The following TMEM45B variants were observed in gnomAD, a reference collection of about 807,000 sequenced individuals.
TMEM45B encodes the protein transmembrane protein 45B.
In TMEM45B, 29 loss-of-function variants were observed where a neutral mutation model predicts 27.3. The ratio of observed to expected loss-of-function variants is 1.06; its 90% CI spans 0.79 to 1.45. The LOEUF is 1.45. Ranked by LOEUF, TMEM45B falls within the 40% of genes most tolerant of loss-of-function variation. TMEM45B has a pLI of 0.00. For synonymous variants in TMEM45B, 143 were observed against 134.7 expected (o/e 1.06, Z -0.43); for missense variants, 348 against 343.9 (o/e 1.01, Z -0.09).
In TMEM45B at chr11:129,844,080, G is replaced by A. The variant is rs538735700; in HGVS notation, c.-8-8395G>A. 1.8e-4 allele frequency among the ~76,000 whole-genome samples: 27 copies of A among 152,144 alleles called. 1 individual carries two copies. In the South Asian group the frequency reaches 5.2e-3, roughly 29 times the overall value. On this transcript the variant is annotated intron_variant, in intron 1 of 5. Transcript: ENST00000281441. ...TGATTGATGAATGGACAAAAAAAATGTGGTGTATATATATATAGAATGGGA... is the reference window on the plus strand; with the variant it reads ...TGATTGATGAATGGACAAAAAAAATATGGTGTATATATATATAGAATGGGA...
intron 3 of TMEM45B, among the ~76,000 whole-genome samples, chr11:129,855,168 C>A (rs552626868): frequency 1.3e-3 from 197 of 152,288 alleles, no homozygotes; most frequent in African/African-American, 4.4e-3. Flanking sequence ...CGGGTACACA[C>A]AATGCCCCAG....
At chr11:129,834,466 A>G (rs1054746777) in intron 1 of TMEM45B, among the ~76,000 whole-genome samples, 2 of 145,800 alleles carry the variant, frequency 1.4e-5, no homozygotes, top group African/African-American at 5.0e-5. Context: ...AAATGTGGAC[A>G]TTGAAGGTGA....
Position 129,854,760 on chromosome 11 carries a change from G to A in TMEM45B, c.329G>A (p.Ser110Asn), listed in dbSNP as rs1313771046. The A allele has an allele frequency of 1.9e-6, 3 of 1,614,090 alleles. No homozygotes were observed. The highest frequency in any genetic ancestry group is 1.6e-4 in the Middle Eastern group (1 of 6,084). ...GTTGACATGCTCACCTATCTGGTCA[G>A]CCACGTTCCCTTGGGGGTGGACAGA... ...GIVDMLTYLV[S>N]HVPLGVDRLV... The change falls in exon 3 of 6, where the codon AGC becomes AAC. Residue 110 changes from serine (S) to asparagine (N), a missense_variant. By Grantham distance (46) the Ser-to-Asn change is conservative. Transcript: ENST00000281441.
intron 1 of TMEM45B, among the ~76,000 whole-genome samples, chr11:129,823,066 C>T (rs1002754572): frequency 2.0e-5 from 3 of 152,044 alleles, no homozygotes; most frequent in African/African-American, 7.2e-5. Context: ...GTCTCGAACC[C>T]CTGACCTTGT....
intron 1 of TMEM45B, among the ~76,000 whole-genome samples, chr11:129,823,340 G>C (rs1461654267): frequency 6.6e-6 from 1 of 152,034 alleles, no homozygotes; most frequent in Non-Finnish European, 1.5e-5. Flanking sequence ...GATAGGAATC[G>C]TTCCTGCTTT....
At chr11:129,822,114 T>C (rs1171101530) in intron 1 of TMEM45B, among the ~76,000 whole-genome samples, 1 of 152,208 alleles carries the variant, frequency 6.6e-6, no homozygotes, top group Non-Finnish European at 1.5e-5. Context: ...CTTCCAACAA[T>C]GCTATTAAAT....
chr11:129,854,784 G>A lies in TMEM45B; in HGVS notation c.353G>A (p.Arg118Lys), dbSNP rs1169979308. 4 of 1,614,106 alleles carry A rather than the reference G, an allele frequency of 2.5e-6. No homozygotes were observed. Among genetic ancestry groups the A allele is most frequent in the Middle Eastern group, 1.6e-4 (1 of 6,062 alleles). Reference protein sequence around the residue: ...LVSHVPLGVDRLVMAVAVFME... With the variant: ...LVSHVPLGVDKLVMAVAVFME... ...AGCCACGTTCCCTTGGGGGTGGACA[G>A]ACTGGTTATGGCTGTGGCAGTATTC... Residue 118 changes from arginine to lysine, a missense_variant, in exon 3 of 6, where the codon AGA (arginine) becomes AAA (lysine). Transcript: ENST00000281441.
chr11:129,824,431 G>A (rs517396), intron 1 of TMEM45B, among the ~76,000 whole-genome samples: 51,696 of 152,002 alleles, frequency 0.34, 9,476 homozygotes, highest in East Asian at 0.48. Context: ...GATTATGTTC[G>A]TCTTGTGATT....
intron 1 of TMEM45B, among the ~76,000 whole-genome samples, chr11:129,838,919 C>G (rs1053951940): frequency 6.6e-6 from 1 of 152,122 alleles, no homozygotes; most frequent in Admixed American, 6.5e-5. Context: ...TTTTTTAAAG[C>G]ACCATATCAA....
intron 2 of TMEM45B, 139 bp from the exon 3 acceptor site, chr11:129,854,471 G>A: frequency 1.4e-6 from 1 of 737,394 alleles, no homozygotes; most frequent in Non-Finnish European, 2.3e-6. Flanking sequence ...ACCTGAGGCA[G>A]CAAAGTAGCT....
chr11:129,853,223 C>T (rs572720423), intron 2 of TMEM45B, among the ~76,000 whole-genome samples: 103 of 152,318 alleles, frequency 6.8e-4, no homozygotes, highest in African/African-American at 2.4e-3. Context: ...AAGATCCACC[C>T]ACTCCCACTG....
intron 1 of TMEM45B, among the ~76,000 whole-genome samples, chr11:129,827,400 C>T (rs749335386): frequency 1.3e-5 from 2 of 152,176 alleles, no homozygotes; most frequent in Non-Finnish European, 2.9e-5. Flanking sequence ...GCACTTTTTC[C>T]AAGAACTGAC....
chr11:129,832,747 A>G (rs1947565755), intron 1 of TMEM45B, among the ~76,000 whole-genome samples: 1 of 152,178 alleles, frequency 6.6e-6, no homozygotes, highest in African/African-American at 2.4e-5. Flanking sequence ...TGTCATTAGG[A>G]GTGGGTTTCT....
At chr11:129,855,149 A>G (rs942070021) in intron 3 of TMEM45B, among the ~76,000 whole-genome samples, 1 of 152,128 alleles carries the variant, frequency 6.6e-6, no homozygotes, top group Non-Finnish European at 1.5e-5. Flanking sequence ...ATGTGCGCAC[A>G]TACACATGCG....
At chr11:129,817,107 C>G (rs570024331) in intron 1 of TMEM45B, among the ~76,000 whole-genome samples, 55 of 152,242 alleles carry the variant, frequency 3.6e-4, no homozygotes, top group African/African-American at 1.3e-3. Flanking sequence ...CCCTTTTCCT[C>G]CTCCTGCACC....
chr11:129,851,945 C>T lies in TMEM45B; in HGVS notation c.-8-530C>T, dbSNP rs576770087. 3.3e-5 allele frequency among the ~76,000 whole-genome samples: 5 copies of T among 152,198 alleles called. No individual in the cohort carries two copies. In the East Asian group the frequency reaches 5.8e-4, roughly 18 times the overall value. The stretch of plus-strand genomic sequence containing the variant: ...CTTTCGTTTGCCCATCTCTAATTTC[C>T]GGGAGATTTATAATTTGTTTGTATT... On this transcript the variant is annotated intron_variant, in intron 1 of 5. Coordinates refer to ENST00000281441, the MANE Select transcript of TMEM45B (RefSeq NM_138788.5).
rs1481139174 is a variant in TMEM45B at position 129,852,776 on chromosome 11, A to G, written c.178+116A>G. On this transcript the variant is annotated intron_variant, in intron 2 of 5. Coordinates refer to ENST00000281441, the MANE Select transcript of TMEM45B (RefSeq NM_138788.5). ...CACTGGCAGAGATAATAGGGCAACA[A>G]TTTCCTGATGGCCACTAGACTATTT... 2.7e-6 allele frequency: 3 copies of G among 1,091,678 alleles called. No homozygotes were observed. In the African/African-American group the frequency reaches 4.8e-5, roughly 17 times the overall value. 67.6% of individuals were successfully genotyped at this position (1,091,678 alleles called of 1,614,324 possible). A position where few individuals can be genotyped will look rare whatever the true frequency, so the allele number is the denominator to read the frequency against.
At chr11:129,854,483 T>C (rs1947891534) in intron 2 of TMEM45B, 127 bp from the exon 3 acceptor site, 1 of 854,596 alleles carries the variant, frequency 1.2e-6, no homozygotes, top group Non-Finnish European at 1.9e-6. Context: ...AAAGTAGCTC[T>C]GCTGACCCGC....
intron 1 of TMEM45B, among the ~76,000 whole-genome samples, chr11:129,849,498 T>G (rs574006078): frequency 6.6e-6 from 1 of 152,208 alleles, no homozygotes; most frequent in Non-Finnish European, 1.5e-5. Flanking sequence ...ATTGGCCTAC[T>G]GGGGGCTCTC....
Sources: allele counts gnomAD v4.1 joint callset (sites outside exome capture counted in the v4.1 genomes callset), GRCh38; gene constraint gnomAD v4.1.1; transcripts MANE v1.5; gene names NCBI Gene and HGNC (gene_info 2026-07-23, HGNC 2026-07-21).